Variants in STX18 observed in about 807,000 individuals in gnomAD.
The protein encoded by STX18 is syntaxin 18, also known as syntaxin-18.
In STX18, 40 loss-of-function variants were observed where a neutral mutation model predicts 50.1. The observed-to-expected ratio is 0.80, with a 90% CI of 0.62 to 1.04. The LOEUF (loss-of-function observed/expected upper bound fraction) is 1.04, where lower values mean the gene tolerates loss of function less well. Among genes scored for constraint, STX18 ranks in the 50% least tolerant of loss-of-function variants. The pLI is 0.00. For missense variants in STX18, 410 were observed against 415.8 expected, an observed-to-expected ratio of 0.99 and a Z score of 0.12; for synonymous variants, 158 against 151.8, an observed-to-expected ratio of 1.04 and a Z score of -0.30.
chr4:4,529,671 G>T (rs7681821), intron 1 of STX18, among the ~76,000 whole-genome samples: 30,068 of 152,074 alleles, frequency 0.2, 3,216 homozygotes, highest in African/African-American at 0.29. Context: ...ACACGTGCCA[G>T]GACTACTCAT....
intron 9 of STX18, among the ~76,000 whole-genome samples, chr4:4,421,454 T>C (rs753901876): frequency 6.6e-6 from 1 of 152,146 alleles, no homozygotes; most frequent in Admixed American, 6.5e-5. Flanking sequence ...GGGGTCTCCC[T>C]ATGTTGCCCA....
chr4:4,463,617 C>T (rs550851858), intron 2 of STX18, among the ~76,000 whole-genome samples: 1 of 152,300 alleles, frequency 6.6e-6, no homozygotes, highest in East Asian at 1.9e-4. Flanking sequence ...ACCTCGTCAA[C>T]CTAACTTGTC....
intron 1 of STX18, chr4:4,481,674 A>G (rs1728468515): frequency 6.6e-6 from 1 of 152,226 alleles, no homozygotes; most frequent in African/African-American, 2.4e-5. Flanking sequence ...TGAAAAATGC[A>G]TCAATAGCAA....
intron 1 of STX18, among the ~76,000 whole-genome samples, chr4:4,523,149 C>T (rs959007532): frequency 1.3e-4 from 20 of 152,170 alleles, no homozygotes; most frequent in African/African-American, 4.8e-4. Context: ...ATGCTCTTAA[C>T]CATCATGGCA....
intron 5 of STX18, among the ~76,000 whole-genome samples, chr4:4,452,873 T>A (rs1270727118): frequency 6.6e-6 from 1 of 152,202 alleles, no homozygotes; most frequent in Non-Finnish European, 1.5e-5. Flanking sequence ...AACAGGAGTT[T>A]GGAAGAAGTG....
chr4:4,452,749 T>G lies in STX18; in HGVS notation c.497+4442A>C, dbSNP rs115574755. ...AGGCTATAGCTGCTATAGATAGTGA[T>G]TCCTCTGGCAGATCTGGGTAAAGTA... On this transcript the variant is annotated intron_variant, in intron 5 of 10. Transcript: ENST00000306200. Among the ~76,000 whole-genome samples, 499 of 152,316 alleles carry G rather than the reference T, an allele frequency of 3.3e-3. 1 individual carries two copies. Among genetic ancestry groups the G allele is most frequent in the African/African-American group, 0.011 (465 of 41,570 alleles).
intron 6 of STX18, 77 bp from the exon 7 acceptor site, chr4:4,434,935 C>A: frequency 1.0e-6 from 1 of 970,582 alleles, no homozygotes. Flanking sequence ...AGTCATAACA[C>A]AAACAAGAGA....
chr4:4,449,033 G>A (rs1275695922), intron 5 of STX18, among the ~76,000 whole-genome samples: 3 of 148,772 alleles, frequency 2.0e-5, no homozygotes, highest in Non-Finnish European at 3.0e-5. Flanking sequence ...TTCTCCCTTG[G>A]ACCCCATTCT....
intron 1 of STX18, among the ~76,000 whole-genome samples, chr4:4,497,240 C>G (rs1470996373): frequency 6.6e-6 from 1 of 152,198 alleles, no homozygotes; most frequent in Admixed American, 6.5e-5. Flanking sequence ...AATTTGCTCT[C>G]AGAGGCACAG....
chr4:4,531,803 T>C (rs961201563), intron 1 of STX18, among the ~76,000 whole-genome samples: 2 of 152,220 alleles, frequency 1.3e-5, no homozygotes, highest in South Asian at 4.1e-4. Context: ...TAGCAATAAT[T>C]TTCCTTTTAT....
At chr4:4,456,629 A>G (rs1727092284) in intron 5 of STX18, among the ~76,000 whole-genome samples, 1 of 152,272 alleles carries the variant, frequency 6.6e-6, no homozygotes, top group East Asian at 1.9e-4. Context: ...TGGGACAGGT[A>G]GTGGGGTTGG....
At chr4:4,468,460 G>A (rs1406051676) in intron 2 of STX18, among the ~76,000 whole-genome samples, 1 of 152,082 alleles carries the variant, frequency 6.6e-6, no homozygotes. Flanking sequence ...ATAGCTATCA[G>A]AAAGAGACAC....
intron 2 of STX18, among the ~76,000 whole-genome samples, chr4:4,464,338 A>G (rs1727517664): frequency 2.0e-5 from 3 of 152,224 alleles, no homozygotes; most frequent in Admixed American, 1.3e-4. Flanking sequence ...TGTTGCTTAT[A>G]ATGTTTTTTT....
At chr4:4,456,868 C>A (rs1340455178) in intron 5 of STX18, among the ~76,000 whole-genome samples, 1 of 152,180 alleles carries the variant, frequency 6.6e-6, no homozygotes, top group East Asian at 1.9e-4. Context: ...GATTTTGGAC[C>A]AACAGCCTAG....
At chr4:4,459,058 ACACG>A (rs1384160955) in intron 3 of STX18, among the ~76,000 whole-genome samples, 1 of 139,352 alleles carries the variant, frequency 7.2e-6, no homozygotes, top group African/African-American at 3.1e-5. Context: ...GAACACACAC[ACACG>A]CACACACACA....
At chr4:4,492,883 G>A (rs1163276457) in intron 1 of STX18, among the ~76,000 whole-genome samples, 2 of 152,008 alleles carry the variant, frequency 1.3e-5, no homozygotes, top group African/African-American at 4.8e-5. Flanking sequence ...AAGTTTTTAA[G>A]GCTTATAAAA....
intron 1 of STX18, among the ~76,000 whole-genome samples, chr4:4,535,138 A>G (rs1172940023): frequency 6.6e-6 from 1 of 152,194 alleles, no homozygotes; most frequent in Non-Finnish European, 1.5e-5. Flanking sequence ...TTTGATGATC[A>G]CTTTGAGGTT....
At chr4:4,457,588 TGA>T in intron 3 of STX18, 88 bp from the exon 4 acceptor site, 1 of 978,028 alleles carries the variant, frequency 1.0e-6, no homozygotes, top group East Asian at 2.4e-5. Context: ...CTTTCTTTAT[TGA>T]GAGTATTTTT....
chr4:4,534,685 A>G (rs1001953820), intron 1 of STX18, among the ~76,000 whole-genome samples: 3 of 152,234 alleles, frequency 2.0e-5, no homozygotes, highest in African/African-American at 7.2e-5. Context: ...CCCAGAGCAT[A>G]AAGTACAAAC....
Sources: allele counts gnomAD v4.1 joint callset (sites outside exome capture counted in the v4.1 genomes callset), GRCh38; gene constraint gnomAD v4.1.1; transcripts MANE v1.5; gene names NCBI Gene and HGNC (gene_info 2026-07-23, HGNC 2026-07-21).